The following COMT variants were observed in gnomAD, a reference collection of about 807,000 sequenced individuals.
COMT encodes the protein catechol-O-methyltransferase.
COMT carries 13 observed loss-of-function variants against 18.9 expected under a neutral mutation model. The observed-to-expected ratio is 0.69, with a 90% CI of 0.45 to 1.09. The LOEUF (loss-of-function observed/expected upper bound fraction) is 1.09, where lower values mean the gene tolerates loss of function less well. Among genes scored for constraint, COMT ranks in the 50% least tolerant of loss-of-function variants. The pLI is 0.00. For missense variants in COMT, 329 were observed against 361.8 expected, an observed-to-expected ratio of 0.91 and a Z score of 0.73; for synonymous variants, 150 against 160.9, an observed-to-expected ratio of 0.93 and a Z score of 0.51.
intron 1 of COMT, among the ~76,000 whole-genome samples, chr22:19,957,029 C>T (rs1646836221): frequency 6.6e-6 from 1 of 150,764 alleles, no homozygotes; most frequent in Non-Finnish European, 1.5e-5. Flanking sequence ...CGGCTCACTG[C>T]AAGCTCCGCC....
At chr22:19,947,890 G>T (rs1332165388) in intron 1 of COMT, among the ~76,000 whole-genome samples, 1 of 152,184 alleles carries the variant, frequency 6.6e-6, no homozygotes, top group Non-Finnish European at 1.5e-5. Flanking sequence ...TAAGTAACAG[G>T]CGTCTTCCCA....
At chr22:19,962,471 G>T in intron 2 of COMT, 56 bp from the exon 3 acceptor site, 3 of 1,551,552 alleles carry the variant, frequency 1.9e-6, no homozygotes, top group Non-Finnish European at 1.7e-6. Flanking sequence ...AAAGGGGCGT[G>T]TGGGTGCTGC....
At position 19,955,145 on chromosome 22, in the gene COMT, T is replaced by C. The variant is rs1188416600; in HGVS notation, c.-91-6054T>C. ...TCAGCCTCCTGAGTAGCTGCAGCTA[T>C]AGGCACACCACCATGCCTGGCTCAA... is the stretch of plus-strand genomic sequence containing the variant. On this transcript the variant is annotated intron_variant, in intron 1 of 5. Coordinates refer to ENST00000361682, the MANE Select transcript of COMT (RefSeq NM_000754.4). Among the ~76,000 whole-genome samples, 4 of 152,198 alleles carry C rather than the reference T, an allele frequency of 2.6e-5. No individual in the cohort carries two copies. The East Asian group carries it at 7.7e-4, about 29-fold the overall frequency.
intron 1 of COMT, among the ~76,000 whole-genome samples, chr22:19,945,110 GC>G (rs1312397624): frequency 1.3e-5 from 2 of 152,166 alleles, no homozygotes; most frequent in Admixed American, 6.5e-5. Context: ...CTTAGATTGA[GC>G]TTTTTAAAGC....
chr22:19,947,476 T>C (rs174680), intron 1 of COMT, among the ~76,000 whole-genome samples: 105,984 of 151,826 alleles, frequency 0.7, 37,199 homozygotes, highest in Middle Eastern at 0.77. Flanking sequence ...GAGTGTGAGC[T>C]ATCTCCAGTG....
At chr22:19,957,590 C>G (rs1179081013) in intron 1 of COMT, among the ~76,000 whole-genome samples, 1 of 152,216 alleles carries the variant, frequency 6.6e-6, no homozygotes, top group Non-Finnish European at 1.5e-5. Flanking sequence ...TCTTTAGAGC[C>G]AGAGGTGTCA....
chr22:19,967,529 C>G, intron 5 of COMT: 1 of 386,264 alleles, frequency 2.6e-6, no homozygotes, highest in Non-Finnish European at 5.1e-6. Flanking sequence ...TGAAAGCCCC[C>G]TGCTTTCTCT....
intron 1 of COMT, among the ~76,000 whole-genome samples, chr22:19,953,425 C>T (rs1405901227): frequency 6.6e-6 from 1 of 152,200 alleles, no homozygotes; most frequent in African/African-American, 2.4e-5. Context: ...TCCCGAGTAG[C>T]TGGGACTACA....
At chr22:19,965,510 T>C (rs1942341906) in intron 5 of COMT, 1 of 152,106 alleles carries the variant, frequency 6.6e-6, no homozygotes, top group East Asian at 1.9e-4. Context: ...CCCGGCTAGT[T>C]TTTTGTAGTT....
intron 3 of COMT, chr22:19,963,251 G>C: frequency 1.8e-6 from 1 of 541,784 alleles, no homozygotes; most frequent in Non-Finnish European, 3.3e-6. Flanking sequence ...GATTCAGAGA[G>C]GGCAGCTCTG....
intron 5 of COMT, chr22:19,967,241 G>C: frequency 7.7e-7 from 1 of 1,300,376 alleles, no homozygotes; most frequent in Non-Finnish European, 1.0e-6. Flanking sequence ...TGAGTCCCCT[G>C]GCGCAACCCG....
intron 1 of COMT, among the ~76,000 whole-genome samples, chr22:19,959,130 T>C (rs1942132493): frequency 1.3e-5 from 2 of 152,202 alleles, no homozygotes; most frequent in African/African-American, 4.8e-5. Context: ...TCTCGAGTCC[T>C]GGGACCCCAA....
At chr22:19,958,925 C>A (rs1303990340) in intron 1 of COMT, among the ~76,000 whole-genome samples, 1 of 152,030 alleles carries the variant, frequency 6.6e-6, no homozygotes, top group East Asian at 1.9e-4. Context: ...TTCAAACATA[C>A]ACAAAAGCAG....
intron 1 of COMT, among the ~76,000 whole-genome samples, chr22:19,960,733 C>T (rs949717035): frequency 1.5e-4 from 23 of 152,250 alleles, no homozygotes; most frequent in African/African-American, 5.5e-4. Context: ...TTGGCCTTTT[C>T]CTGTGAGCTG....
At position 19,952,950 on chromosome 22, in the gene COMT, CAAAAAATAAATA is replaced by C. The variant is rs1445202437; in HGVS notation, c.-91-8246_-91-8235del. Among the ~76,000 whole-genome samples the C allele has an allele frequency of 6.5e-5, 9 of 137,828 alleles. 1 individual carries two copies. Among genetic ancestry groups the C allele is most frequent in the Middle Eastern group, 6.8e-3 (2 of 292 alleles). The allele number at this position is 137,828 out of a possible 152,430, so 90.4% of individuals were successfully genotyped here. A position where few individuals can be genotyped will look rare whatever the true frequency, so the allele number is the denominator to read the frequency against. On this transcript the variant is annotated intron_variant, in intron 1 of 5. Transcript: ENST00000361682. ...TGTGTGACAGAGTGACAGCCCGTCT[CAAAAAATAAATA>C]AATAAATAAATAAATAAATAAATAA...
intron 5 of COMT, chr22:19,964,944 C>T (rs192298672): frequency 1.8e-4 from 33 of 188,230 alleles, no homozygotes; most frequent in Middle Eastern, 2.5e-3. Context: ...CTGTGATCCT[C>T]CACTGGGCTT....
rs752384128 is a variant in COMT, at chr22:19,963,659, G to A, written c.383G>A (p.Arg128His). The A allele has an allele frequency of 1.4e-5, 22 of 1,612,788 alleles. No homozygotes were observed. In the Admixed American group the frequency reaches 2.0e-4, roughly 15 times the overall value. ...YCGYSAVRMA[R>H]LLSPGARLIT... ...GGCTACTCAGCTGTGCGCATGGCCC[G>A]CCTGCTGTCACCAGGGGCGAGGCTC... Residue 128 changes from arginine to histidine, a missense_variant, in exon 4 of 6, where the codon CGC becomes CAC. By Grantham distance (29) the Arg-to-His change is conservative. Transcript: ENST00000361682.
intron 1 of COMT, among the ~76,000 whole-genome samples, chr22:19,960,115 T>A (rs543564022): frequency 1.3e-5 from 2 of 152,356 alleles, no homozygotes; most frequent in East Asian, 3.9e-4. Context: ...ACCTAGAGAT[T>A]AGAGATTCAA....
At chr22:19,962,849 G>A (rs767632109) in intron 3 of COMT, 34 bp downstream of exon 3, 9 of 1,583,694 alleles carry the variant, frequency 5.7e-6, no homozygotes, top group South Asian at 2.3e-5. Flanking sequence ...TCAGCTCTGG[G>A]ACAGGGACCC....
Sources: gnomAD v4.1 joint callset for allele counts (sites outside exome capture counted in the v4.1 genomes callset) on GRCh38, gnomAD v4.1.1 for gene constraint, MANE v1.5 for transcripts, NCBI Gene and HGNC (gene_info 2026-07-23, HGNC 2026-07-21) for gene names.